The following USH2A variants were observed in gnomAD, a reference collection of about 807,000 sequenced individuals.
USH2A encodes Usher syndrome 2A (autosomal recessive, mild).
A neutral mutation model predicts 538.9 loss-of-function variants in USH2A; 443 were observed. The observed-to-expected ratio is 0.82, with a 90% confidence interval of 0.76 to 0.89. The LOEUF is 0.89. Among genes scored for constraint, USH2A ranks in the 40% least tolerant of loss-of-function variants. The pLI, the probability that USH2A is intolerant of heterozygous loss-of-function variation, is 0.00. For synonymous variants in USH2A, 2,413 were observed against 2,273.5 expected (o/e 1.06, Z -1.75); for missense variants, 6,633 against 6,324.8 (o/e 1.05, Z -1.65).
chr1:215,769,900 C>T (rs1661232108), intron 55 of USH2A, among the ~76,000 whole-genome samples: 1 of 152,160 alleles, frequency 6.6e-6, no homozygotes, highest in Admixed American at 6.5e-5. Context: ...GGGAGAATGA[C>T]AGTTTTACTC....
At chr1:216,151,333 A>G (rs1170936346) in intron 21 of USH2A, among the ~76,000 whole-genome samples, 1 of 152,066 alleles carries the variant, frequency 6.6e-6, no homozygotes. Flanking sequence ...CTCTACCTAC[A>G]TGTGTCTACC....
chr1:216,356,051 A>C (rs1571735174), intron 4 of USH2A, among the ~76,000 whole-genome samples: 1 of 152,142 alleles, frequency 6.6e-6, no homozygotes, highest in African/African-American at 2.4e-5. Flanking sequence ...TGGATTGAGA[A>C]GTTATATTCT....
At chr1:215,978,656 A>G (rs1667677923) in intron 35 of USH2A, among the ~76,000 whole-genome samples, 1 of 152,196 alleles carries the variant, frequency 6.6e-6, no homozygotes, top group African/African-American at 2.4e-5. Flanking sequence ...CAACAACTTT[A>G]TGCCAAACAA....
chr1:215,844,461 T>C lies in USH2A; in HGVS notation c.9091A>G (p.Ile3031Val), dbSNP rs1663783456. Residue 3031 changes from isoleucine to valine, a missense_variant, in exon 46 of 72, where the codon ATC becomes GTC. Ile to Val is a conservative substitution (Grantham distance 29, BLOSUM62 3). Coordinates refer to ENST00000307340, the MANE Select transcript of USH2A (RefSeq NM_206933.4). ...QGMLPPEVVI[I>V]NSTAVRVIWT... ...ATGACACGTACAGCTGTACTGTTGA[T>C]GATGACAACCTCTGGAGGAAGCATG... The C allele has an allele frequency of 6.2e-7, 1 of 1,612,032 alleles. No individual in the cohort carries two copies. Among genetic ancestry groups the C allele is most frequent in the South Asian group, 1.1e-5 (1 of 91,090 alleles).
intron 32 of USH2A, among the ~76,000 whole-genome samples, chr1:216,042,912 C>A (rs776198243): frequency 6.6e-6 from 1 of 151,996 alleles, no homozygotes; most frequent in Non-Finnish European, 1.5e-5. Context: ...TCCATGTGCA[C>A]CTACAGTGAG....
Position 216,198,504 on chromosome 1 carries a change from G to GA in USH2A, c.3891dup (p.Gln1298SerfsTer17). On this transcript the variant is annotated frameshift_variant, in exon 18 of 72. Coordinates refer to ENST00000307340, the MANE Select transcript of USH2A (RefSeq NM_206933.4). LOFTEE classifies it high-confidence loss of function. ...TGAGGACTGAGCCAACCACTGCTCT[G>GA]AAAAACTCGACTTTCCTCAGATGTG... is the stretch of plus-strand genomic sequence containing the variant. The GA allele has an allele frequency of 6.2e-7, 1 of 1,613,986 alleles. No individual in the cohort carries two copies. The highest frequency in any genetic ancestry group is 1.1e-5 in the South Asian group (1 of 91,074).
At chr1:216,211,733 T>G (rs2035245577) in intron 15 of USH2A, among the ~76,000 whole-genome samples, 1 of 152,200 alleles carries the variant, frequency 6.6e-6, no homozygotes, top group East Asian at 1.9e-4. Flanking sequence ...TAATGACACA[T>G]GAGAAAAGAA....
At chr1:215,951,726 A>G (rs926352581) in intron 37 of USH2A, among the ~76,000 whole-genome samples, 20 of 152,036 alleles carry the variant, frequency 1.3e-4, no homozygotes, top group Admixed American at 9.8e-4. Flanking sequence ...TGCTTTATTA[A>G]TCTGGGTGCT....
intron 38 of USH2A, among the ~76,000 whole-genome samples, chr1:215,933,566 G>C (rs1666415642): frequency 6.6e-6 from 1 of 151,964 alleles, no homozygotes; most frequent in Non-Finnish European, 1.5e-5. Flanking sequence ...GTGGTTTTAT[G>C]ATACAACAAG....
At chr1:215,666,026 T>C (rs1657592419) in intron 64 of USH2A, among the ~76,000 whole-genome samples, 1 of 152,248 alleles carries the variant, frequency 6.6e-6, no homozygotes, top group Non-Finnish European at 1.5e-5. Flanking sequence ...CAACCCATTC[T>C]TGTGGAAAAC....
At chr1:215,665,261 C>T (rs1297154777) in intron 64 of USH2A, among the ~76,000 whole-genome samples, 1 of 152,176 alleles carries the variant, frequency 6.6e-6, no homozygotes, top group African/African-American at 2.4e-5. Flanking sequence ...GCATGGGCTC[C>T]TGCAGCACTA....
intron 16 of USH2A, among the ~76,000 whole-genome samples, chr1:216,203,674 A>G (rs1323273080): frequency 3.3e-5 from 5 of 152,172 alleles, no homozygotes; most frequent in Non-Finnish European, 5.9e-5. Context: ...CACTTGTTAC[A>G]TTGATCCCTT....
At chr1:215,737,436 A>G (rs1558075872) in intron 60 of USH2A, among the ~76,000 whole-genome samples, 1 of 151,956 alleles carries the variant, frequency 6.6e-6, no homozygotes, top group Non-Finnish European at 1.5e-5. Flanking sequence ...CCTAGTCTCA[A>G]TGACATCAAC....
chr1:215,788,219 C>A (rs879877600), intron 51 of USH2A, among the ~76,000 whole-genome samples: 2 of 152,094 alleles, frequency 1.3e-5, no homozygotes, highest in African/African-American at 2.4e-5. Context: ...GTGGCAGAGA[C>A]AATGCAATGT....
At chr1:216,131,480 T>C (rs1046489562) in intron 21 of USH2A, among the ~76,000 whole-genome samples, 4 of 152,124 alleles carry the variant, frequency 2.6e-5, no homozygotes, top group Non-Finnish European at 5.9e-5. Flanking sequence ...AGTTGATATT[T>C]GTATAAGGTG....
At chr1:216,149,274 C>T (rs181434556) in intron 21 of USH2A, among the ~76,000 whole-genome samples, 7 of 152,248 alleles carry the variant, frequency 4.6e-5, no homozygotes, top group Admixed American at 6.5e-5. Context: ...AAGGCCACCA[C>T]GGTCATTTCT....
chr1:216,344,502 C>T (rs1029612664), intron 4 of USH2A, among the ~76,000 whole-genome samples: 3 of 152,010 alleles, frequency 2.0e-5, no homozygotes, highest in South Asian at 4.1e-4. Context: ...GGAAAACTTG[C>T]TTTGTTTTAA....
chr1:215,728,147 C>G lies in USH2A; in HGVS notation c.11949G>C (p.Leu3983Phe). The change falls in exon 61 of 72, where the codon TTG becomes TTC. Residue 3983 changes from leucine (L) to phenylalanine (F), a missense_variant. Leu to Phe is a conservative substitution (Grantham distance 22). Transcript: ENST00000307340. ...AQATSAHSVL[L>F]NWTKPESPNG... The stretch of plus-strand genomic sequence containing the variant: ...TGGGAGATTCTGGCTTTGTCCAATT[C>G]AACAGAACTGAATGAGCACTCGTGG... 6.2e-7 allele frequency: 1 copy of G among 1,614,154 alleles called. No homozygotes were observed. Among genetic ancestry groups the G allele is most frequent in the African/African-American group, 1.3e-5 (1 of 75,018 alleles).
At chr1:216,382,120 T>C (rs2038932220) in intron 3 of USH2A, among the ~76,000 whole-genome samples, 1 of 152,184 alleles carries the variant, frequency 6.6e-6, no homozygotes, top group South Asian at 2.1e-4. Flanking sequence ...CATTCAAACA[T>C]GATGCCGAGC....
Sources: allele counts gnomAD v4.1 joint callset (sites outside exome capture counted in the v4.1 genomes callset), GRCh38; gene constraint gnomAD v4.1.1; transcripts MANE v1.5; gene names NCBI Gene and HGNC (gene_info 2026-07-23, HGNC 2026-07-21).